Variants in STRN observed in about 807,000 individuals in gnomAD.
STRN encodes the protein striatin, also known as protein phosphatase 2 regulatory subunit B'''alpha.
Under a neutral mutation model 96.3 loss-of-function variants are expected in STRN, and 53 were observed. The observed-to-expected ratio is 0.55, with a 90% confidence interval of 0.44 to 0.69. The LOEUF (loss-of-function observed/expected upper bound fraction) is 0.69. STRN is among the 30% of genes least tolerant of loss of function. The pLI, the probability that STRN is intolerant of heterozygous loss-of-function variation, is 0.00. For missense variants in STRN, 987 were observed against 963.9 expected (o/e 1.02, Z -0.32); for synonymous variants, 428 against 355.9 (o/e 1.20, Z -2.28).
chr2:36,936,041 A>G (rs1670692703), intron 1 of STRN, among the ~76,000 whole-genome samples: 1 of 152,290 alleles, frequency 6.6e-6, no homozygotes, highest in Non-Finnish European at 1.5e-5. Context: ...AGACAAAAGC[A>G]AAGTAACAAA....
At position 36,840,644 on chromosome 2, in the gene STRN, G is replaced by T. The variant is rs1179548371; in HGVS notation, c.*8812C>A. 6.6e-6 allele frequency: 1 copy of T among 151,586 alleles called. No homozygotes were observed. The allele number at this position is 151,586 out of a possible 1,614,324, so 9.4% of individuals were successfully genotyped here. A position where few individuals can be genotyped will look rare whatever the true frequency, so the allele number is the denominator to read the frequency against. ...ATATTTATAGGGTACCTTTTATATG[G>T]CAAGGCACCAGGCACAGTGCTAAGA... On this transcript the variant is annotated 3_prime_UTR_variant, in exon 18 of 18. Coordinates refer to ENST00000263918, the MANE Select transcript of STRN (RefSeq NM_003162.4).
At chr2:36,905,404 G>GTAATT (rs1388450245) in intron 4 of STRN, 136 bp downstream of exon 4, 1 of 722,804 alleles carries the variant, frequency 1.4e-6, no homozygotes, top group East Asian at 2.7e-5. Flanking sequence ...AAAAGGAACA[G>GTAATT]TAATTCAATT....
intron 3 of STRN, 106 bp downstream of exon 3, chr2:36,915,969 TAAC>T: frequency 1.0e-6 from 1 of 959,946 alleles, no homozygotes; most frequent in Non-Finnish European, 1.6e-6. Context: ...TCAGAAAAAA[TAAC>T]TAATACACAA....
intron 1 of STRN, among the ~76,000 whole-genome samples, chr2:36,925,492 T>C (rs1158250739): frequency 1.3e-5 from 2 of 152,042 alleles, no homozygotes; most frequent in African/African-American, 2.4e-5. Context: ...AAACAACTAA[T>C]ATTGCCGGAT....
intron 1 of STRN, 136 bp downstream of exon 1, chr2:36,966,094 G>C (rs550521181): frequency 1.5e-5 from 15 of 1,022,878 alleles, no homozygotes; most frequent in East Asian, 1.3e-4. Context: ...AGAAGGGGAC[G>C]GGGCTCCGGG....
chr2:36,864,163 G>C lies in STRN; in HGVS notation c.1548-2910C>G, dbSNP rs117822483. Among the ~76,000 whole-genome samples, 618 of 152,220 alleles carry C rather than the reference G, an allele frequency of 4.1e-3. 18 individuals are homozygous for C. The highest frequency in any genetic ancestry group is 0.029 in the Admixed American group (446 of 15,290). ...TGCCTTTTCTTTTCCTTGCCTGACT[G>C]CTCTGGCTAGGACTTCCAGTACTAT... On this transcript the variant is annotated intron_variant, in intron 12 of 17. Coordinates refer to ENST00000263918, the MANE Select transcript of STRN (RefSeq NM_003162.4).
intron 1 of STRN, among the ~76,000 whole-genome samples, chr2:36,954,388 T>C (rs986943455): frequency 6.6e-6 from 1 of 151,726 alleles, no homozygotes; most frequent in African/African-American, 2.4e-5. Flanking sequence ...GATGGGTGCC[T>C]GTAATCCCAA....
At chr2:36,919,324 C>G (rs1013342523) in intron 2 of STRN, among the ~76,000 whole-genome samples, 4 of 152,100 alleles carry the variant, frequency 2.6e-5, no homozygotes, top group African/African-American at 9.7e-5. Flanking sequence ...AAGGGATTAT[C>G]TAATCTAATT....
At chr2:36,850,146 T>C (rs1668183910) in intron 16 of STRN, among the ~76,000 whole-genome samples, 1 of 152,222 alleles carries the variant, frequency 6.6e-6, no homozygotes, top group Non-Finnish European at 1.5e-5. Flanking sequence ...AATTATGAGT[T>C]GTGGAAACAC....
In STRN at chr2:36,843,056, A is replaced by C. The variant is rs1008224413; in HGVS notation, c.*6400T>G. Among the ~76,000 whole-genome samples the C allele has an allele frequency of 2.0e-5, 3 of 152,120 alleles. No homozygotes were observed. The highest frequency in any genetic ancestry group is 4.4e-5 in the Non-Finnish European group (3 of 68,002). The stretch of plus-strand genomic sequence containing the variant: ...CCAGGAGGTTCATCAATCCGTGAAT[A>C]ATTTTTGGAGTTTTAATGACCTCCT... On this transcript the variant is annotated 3_prime_UTR_variant, in exon 18 of 18. Coordinates refer to ENST00000263918, the MANE Select transcript of STRN (RefSeq NM_003162.4).
intron 7 of STRN, among the ~76,000 whole-genome samples, chr2:36,888,439 T>C (rs1384814393): frequency 6.6e-6 from 1 of 152,198 alleles, no homozygotes; most frequent in Non-Finnish European, 1.5e-5. Flanking sequence ...AGAATCACTC[T>C]GCTCTAGCCA....
At chr2:36,907,463 G>A (rs573578919) in intron 3 of STRN, among the ~76,000 whole-genome samples, 11 of 151,888 alleles carry the variant, frequency 7.2e-5, no homozygotes, top group South Asian at 2.1e-4. Context: ...CAGAAGAATC[G>A]CTTGAACCTG....
chr2:36,937,453 G>C (rs1303241323), intron 1 of STRN, among the ~76,000 whole-genome samples: 1 of 152,042 alleles, frequency 6.6e-6, no homozygotes, highest in African/African-American at 2.4e-5. Flanking sequence ...AAGATGGCTT[G>C]AGACCAGGAG....
At chr2:36,957,858 C>A (rs1394945939) in intron 1 of STRN, among the ~76,000 whole-genome samples, 1 of 132,464 alleles carries the variant, frequency 7.5e-6, no homozygotes, top group African/African-American at 2.8e-5. Context: ...TCAGGTGATT[C>A]TCCTGCCTCA....
intron 1 of STRN, among the ~76,000 whole-genome samples, chr2:36,930,423 C>T (rs940059136): frequency 3.3e-5 from 5 of 149,786 alleles, no homozygotes; most frequent in African/African-American, 4.9e-5. Context: ...CAGAGCGAGA[C>T]TCCATCTCAA....
At chr2:36,948,289 C>T (rs548005474) in intron 1 of STRN, among the ~76,000 whole-genome samples, 1 of 151,350 alleles carries the variant, frequency 6.6e-6, no homozygotes, top group East Asian at 1.9e-4. Context: ...TTAGTAGAGA[C>T]GGGTTTCACC....
intron 12 of STRN, chr2:36,867,348 C>A (rs999302481): frequency 6.6e-6 from 1 of 152,168 alleles, no homozygotes; most frequent in African/African-American, 2.4e-5. Flanking sequence ...TGCATCCAGA[C>A]TGGGCAACAG....
At chr2:36,896,639 G>A (rs1442510116) in intron 6 of STRN, among the ~76,000 whole-genome samples, 1 of 152,138 alleles carries the variant, frequency 6.6e-6, no homozygotes, top group African/African-American at 2.4e-5. Context: ...AAAACCATTA[G>A]GAGGGCCATG....
chr2:36,945,113 T>C (rs1186991846), intron 1 of STRN, among the ~76,000 whole-genome samples: 1 of 152,080 alleles, frequency 6.6e-6, no homozygotes. Flanking sequence ...ACATCACAGC[T>C]GGATCTTTTT....
Sources: gnomAD v4.1 joint callset for allele counts (sites outside exome capture counted in the v4.1 genomes callset) on GRCh38, gnomAD v4.1.1 for gene constraint, MANE v1.5 for transcripts, NCBI Gene and HGNC (gene_info 2026-07-23, HGNC 2026-07-21) for gene names.